Variants in WDR59 observed in about 807,000 individuals in gnomAD.
The protein encoded by WDR59 is GATOR2 complex protein WDR59.
A neutral mutation model predicts 131.2 loss-of-function variants in WDR59; 100 were observed. The observed-to-expected ratio is 0.76, with a 90% CI of 0.65 to 0.90. WDR59 has a LOEUF of 0.90. Ranked by LOEUF, WDR59 falls within the 40% of genes least tolerant of loss-of-function variation. The pLI is 0.00. For synonymous variants in WDR59, 601 were observed against 466.2 expected, an observed-to-expected ratio of 1.29 and a Z score of -3.72; for missense variants, 1,203 against 1,262.2, an observed-to-expected ratio of 0.95 and a Z score of 0.71.
chr16:74,902,651 T>C (rs1423442353), intron 18 of WDR59, among the ~76,000 whole-genome samples: 2 of 152,156 alleles, frequency 1.3e-5, no homozygotes, highest in African/African-American at 2.4e-5. Context: ...AAAGACCTCC[T>C]TGACCTGGCC....
Position 74,917,940 on chromosome 16 carries a change from G to T in WDR59, c.955C>A (p.Gln319Lys), listed in dbSNP as rs1357966604. Residue 319 changes from glutamine (Q) to lysine (K), a missense_variant, in exon 11 of 26, where the codon CAG becomes AAG. Coordinates refer to ENST00000262144, the MANE Select transcript of WDR59 (RefSeq NM_030581.4). Reference protein sequence around the residue: ...QTLRMWRVDSQMQRLCANDIL... With the variant: ...QTLRMWRVDSKMQRLCANDIL... ...CACTGCATACATACCCTCTGCATCT[G>T]GGAATCCACCCGCCACATTCTCAAG... The T allele has an allele frequency of 1.2e-6, 2 of 1,613,724 alleles. No homozygotes were observed. Among genetic ancestry groups the T allele is most frequent in the Non-Finnish European group, 8.5e-7 (1 of 1,179,832 alleles).
intron 1 of WDR59, among the ~76,000 whole-genome samples, 177 bp from the exon 2 acceptor site, chr16:74,965,999 C>T (rs1004761916): frequency 1.3e-5 from 2 of 152,112 alleles, no homozygotes; most frequent in African/African-American, 4.8e-5. Flanking sequence ...CCCAATTCCA[C>T]ATTCACTTTT....
At chr16:74,955,090 A>C (rs2033216617) in intron 3 of WDR59, among the ~76,000 whole-genome samples, 1 of 152,248 alleles carries the variant, frequency 6.6e-6, no homozygotes, top group African/African-American at 2.4e-5. Context: ...TGAATTGTTC[A>C]CTTTAAAATG....
rs1364054849 is a variant in WDR59 at position 74,941,311 on chromosome 16, A to T, written c.534+1427T>A. 3.4e-5 allele frequency among the ~76,000 whole-genome samples: 5 copies of T among 147,512 alleles called. No individual in the cohort carries two copies. The East Asian group carries it at 8.2e-4, about 24-fold the overall frequency. ...AGCCATAGTTACACTACTACACTCC[A>T]GTCTGGGTGACAGAATGAGGCTCCA... On this transcript the variant is annotated intron_variant, in intron 7 of 25. Transcript: ENST00000262144.
rs917231043 is a variant in WDR59 at position 74,936,327 on chromosome 16, C to G, written c.651+1823G>C. 2.0e-5 allele frequency among the ~76,000 whole-genome samples: 3 copies of G among 151,910 alleles called. No homozygotes were observed. The East Asian group carries it at 5.8e-4, about 29-fold the overall frequency. ...TTTGTCTATATAGATATGTATATAT[C>G]TATATATAAAGAAAAAATATATAAA... On this transcript the variant is annotated intron_variant, in intron 8 of 25. Coordinates refer to ENST00000262144, the MANE Select transcript of WDR59 (RefSeq NM_030581.4).
rs531903631 is a variant in WDR59, at chr16:74,984,574, C to T, written c.54+390G>A. ...CCCCAACAGGGTTACGTCCACGCAGCTGAGACTTAGAAAAGTCCCGCGACT... is the reference window on the plus strand; with the variant it reads ...CCCCAACAGGGTTACGTCCACGCAGTTGAGACTTAGAAAAGTCCCGCGACT... On this transcript the variant is annotated intron_variant, in intron 1 of 25. Coordinates refer to ENST00000262144, the MANE Select transcript of WDR59 (RefSeq NM_030581.4). 3.3e-5 allele frequency: 9 copies of T among 271,370 alleles called. No homozygotes were observed. In the East Asian group the frequency reaches 7.1e-4, roughly 21 times the overall value. 16.8% of individuals were successfully genotyped at this position (271,370 alleles called of 1,614,324 possible).
intron 25 of WDR59, among the ~76,000 whole-genome samples, chr16:74,881,834 T>C (rs939488492): frequency 3.4e-5 from 5 of 147,336 alleles, no homozygotes; most frequent in African/African-American, 1.0e-4. Context: ...GATTGTTCCA[T>C]TGCACTCCAG....
rs566885417 is a variant in WDR59 at position 74,942,527 on chromosome 16, A to T, written c.534+211T>A. On this transcript the variant is annotated intron_variant, in intron 7 of 25. Coordinates refer to ENST00000262144, the MANE Select transcript of WDR59 (RefSeq NM_030581.4). The stretch of plus-strand genomic sequence containing the variant: ...TGGCAAAATGGAGCTGATTTTTTCA[A>T]CCACTGTTCCTAATGTCTCACTTCC... 5.3e-5 allele frequency among the ~76,000 whole-genome samples: 8 copies of T among 152,182 alleles called. No individual in the cohort carries two copies. The East Asian group carries it at 9.7e-4, about 18-fold the overall frequency.
Position 74,917,103 on chromosome 16 carries a change from C to A in WDR59, c.966+826G>T, listed in dbSNP as rs144398217. The stretch of plus-strand genomic sequence containing the variant: ...CCTTCCCACTGTCAAGAAATTTAGC[C>A]ATCAAATGAGGAGAGGACAGAACCC... On this transcript the variant is annotated intron_variant, in intron 11 of 25. Coordinates refer to ENST00000262144, the MANE Select transcript of WDR59 (RefSeq NM_030581.4). Among the ~76,000 whole-genome samples, 529 of 152,250 alleles carry A rather than the reference C, an allele frequency of 3.5e-3. 2 individuals are homozygous for A. Among genetic ancestry groups the A allele is most frequent in the African/African-American group, 0.012 (507 of 41,538 alleles).
intron 13 of WDR59, 48 bp downstream of exon 13, chr16:74,915,820 CCA>C (rs1357251455): frequency 1.2e-6 from 2 of 1,611,352 alleles, no homozygotes; most frequent in Admixed American, 1.7e-5. Context: ...GTTCCCTCTC[CCA>C]CAAACTGCCA....
intron 8 of WDR59, among the ~76,000 whole-genome samples, chr16:74,935,599 T>G (rs1316096648): frequency 6.6e-6 from 1 of 152,132 alleles, no homozygotes; most frequent in Non-Finnish European, 1.5e-5. Context: ...AATTGTCATA[T>G]AAACTTAAAA....
rs747610479 is a variant in WDR59 at position 74,924,023 on chromosome 16, A to G, written c.652-20T>C. The G allele has an allele frequency of 6.2e-7, 1 of 1,610,458 alleles. No individual in the cohort carries two copies. The highest frequency in any genetic ancestry group is 1.1e-5 in the South Asian group (1 of 89,926). On this transcript the variant is annotated intron_variant, in intron 8 of 25. Transcript: ENST00000262144. ...CCAGAACTAGAAGAGAGCAAGCAAG[A>G]TCATTTGTGAAATAAATGCCATTAA...
chr16:74,914,344 A>G (rs1312187076), intron 13 of WDR59, among the ~76,000 whole-genome samples: 1 of 152,246 alleles, frequency 6.6e-6, no homozygotes, highest in East Asian at 1.9e-4. Context: ...AAATGGGACA[A>G]AGGGAGTATA....
chr16:74,978,268 G>T (rs1463436417), intron 1 of WDR59, among the ~76,000 whole-genome samples: 1 of 147,978 alleles, frequency 6.8e-6, no homozygotes, highest in African/African-American at 2.5e-5. Context: ...GTTACGGTGA[G>T]CCGAGATCGT....
chr16:74,958,363 G>A (rs902246981), intron 2 of WDR59, among the ~76,000 whole-genome samples: 1 of 151,780 alleles, frequency 6.6e-6, no homozygotes, highest in Non-Finnish European at 1.5e-5. Context: ...GCCAAGGTGG[G>A]TGGATAGCCT....
Position 74,874,227 on chromosome 16 carries a change from C to A in WDR59, c.2907G>T (p.Leu969=). Residue 969 remains leucine (L), a synonymous_variant, in exon 26 of 26, where the codon CTG becomes CTT. Coordinates refer to ENST00000262144, the MANE Select transcript of WDR59 (RefSeq NM_030581.4). The part of the protein sequence containing the change: ...VCPTGCGCHC[L]LESTF Reference sequence around the variant, plus strand: ...TGTAGGTTCAGAAAGTGCTTTCAAGCAGGCAGTGGCACCCACACCCGGTGG... The same window carrying A: ...TGTAGGTTCAGAAAGTGCTTTCAAGAAGGCAGTGGCACCCACACCCGGTGG... The A allele has an allele frequency of 6.2e-7, 1 of 1,613,984 alleles. No individual in the cohort carries two copies. Among genetic ancestry groups the A allele is most frequent in the East Asian group, 2.2e-5 (1 of 44,862 alleles).
At chr16:74,903,858 A>T in intron 18 of WDR59, 89 bp downstream of exon 18, 1 of 1,443,038 alleles carries the variant, frequency 6.9e-7, no homozygotes, top group Non-Finnish European at 9.3e-7. Flanking sequence ...CAGGGTGATT[A>T]CTAATCTAGC....
rs1965855437 is a variant in WDR59, at chr16:74,907,105, A to C, written c.1712+1803T>G. Among the ~76,000 whole-genome samples, 4 of 151,326 alleles carry C rather than the reference A, an allele frequency of 2.6e-5. No homozygotes were observed. In the South Asian group the frequency reaches 8.4e-4, roughly 32 times the overall value. On this transcript the variant is annotated intron_variant, in intron 17 of 25. Coordinates refer to ENST00000262144, the MANE Select transcript of WDR59 (RefSeq NM_030581.4). ...GGGTGTAATGTAGGTGTTCCCTAGT[A>C]CTGAACCCCAGTTCCCATGGGGCCC...
chr16:74,942,077 C>T (rs1264098561), intron 7 of WDR59, among the ~76,000 whole-genome samples: 1 of 152,110 alleles, frequency 6.6e-6, no homozygotes, highest in East Asian at 1.9e-4. Flanking sequence ...TTTCCCTGTG[C>T]CACGACCCTC....
Sources: gnomAD v4.1 joint callset for allele counts (sites outside exome capture counted in the v4.1 genomes callset) on GRCh38, gnomAD v4.1.1 for gene constraint, MANE v1.5 for transcripts, NCBI Gene and HGNC (gene_info 2026-07-23, HGNC 2026-07-21) for gene names.